The following UBR3 variants were observed in gnomAD, a reference collection of about 807,000 sequenced individuals.
UBR3 encodes the protein ubiquitin protein ligase E3 component n-recognin 3.
UBR3 carries 85 observed loss-of-function variants against 243.2 expected under a neutral mutation model. That is an observed-to-expected ratio of 0.35 (90% CI 0.29 to 0.42). UBR3 has a LOEUF of 0.42. Ranked by LOEUF, UBR3 falls within the 10% of genes least tolerant of loss-of-function variation. UBR3 has a pLI of 1.00. For missense variants in UBR3, 1,686 were observed against 2,300.8 expected (o/e 0.73, Z 5.47); for synonymous variants, 748 against 799.8 (o/e 0.94, Z 1.09).
intron 19 of UBR3, among the ~76,000 whole-genome samples, chr2:169,941,407 A>G (rs2086581910): frequency 6.6e-6 from 1 of 152,204 alleles, no homozygotes; most frequent in African/African-American, 2.4e-5. Context: ...AAATAAAACA[A>G]TTATAACAAT....
chr2:169,953,849 G>A (rs6714222), intron 23 of UBR3, among the ~76,000 whole-genome samples: 8,220 of 152,194 alleles, frequency 0.054, 401 homozygotes, highest in African/African-American at 0.13. Context: ...ACAGATTTAC[G>A]AACTAGTGAT....
At chr2:169,878,710 A>G (rs2083709674) in intron 5 of UBR3, 136 bp downstream of exon 5, 2 of 810,936 alleles carry the variant, frequency 2.5e-6, no homozygotes, top group South Asian at 4.3e-5. Flanking sequence ...TTCTCATTCT[A>G]TAGACAAGGA....
At chr2:170,074,537 T>A (rs2091765935) in intron 36 of UBR3, among the ~76,000 whole-genome samples, 1 of 152,314 alleles carries the variant, frequency 6.6e-6, no homozygotes, top group South Asian at 2.1e-4. Context: ...GCCATTACCT[T>A]GCTCAAATCA....
intron 24 of UBR3, among the ~76,000 whole-genome samples, chr2:169,967,433 A>G (rs1481899981): frequency 6.6e-6 from 1 of 152,158 alleles, no homozygotes; most frequent in East Asian, 1.9e-4. Context: ...TTTAAAAAAC[A>G]GAGTGAAAAC....
intron 1 of UBR3, among the ~76,000 whole-genome samples, chr2:169,839,011 C>A (rs372708741): frequency 3.3e-5 from 5 of 152,186 alleles, no homozygotes; most frequent in African/African-American, 1.2e-4. Flanking sequence ...AGTAATTCCA[C>A]TACTGAGTAT....
chr2:169,898,597 G>C (rs1057511252), intron 8 of UBR3, among the ~76,000 whole-genome samples: 35 of 151,176 alleles, frequency 2.3e-4, no homozygotes, highest in African/African-American at 8.3e-4. Context: ...CCTACTTTGT[G>C]AGTCTGCCTT....
intron 27 of UBR3, among the ~76,000 whole-genome samples, chr2:170,001,939 A>AAAAAAAAAAAAAAAAAAAAAAAAAG (rs1553531165): frequency 4.3e-5 from 5 of 116,218 alleles, no homozygotes; most frequent in African/African-American, 7.6e-5. Context: ...AAAAAAAAAA[A>AAAAAAAAAAAAAAAAAAAAAAAAAG]AAAGAAAGAA....
chr2:169,969,732 G>A (rs936019263), intron 24 of UBR3, among the ~76,000 whole-genome samples: 13 of 151,504 alleles, frequency 8.6e-5, no homozygotes, highest in African/African-American at 3.2e-4. Context: ...TATATTTTTA[G>A]TAGAGATGGG....
intron 24 of UBR3, among the ~76,000 whole-genome samples, chr2:169,960,388 A>ATCTG (rs1268704828): frequency 6.6e-6 from 1 of 151,574 alleles, no homozygotes; most frequent in African/African-American, 2.4e-5. Flanking sequence ...ATCTGAAAAA[A>ATCTG]ACTGAAATCT....
At chr2:169,971,368 G>T (rs1349979467) in intron 24 of UBR3, among the ~76,000 whole-genome samples, 3 of 151,016 alleles carry the variant, frequency 2.0e-5, no homozygotes, top group Non-Finnish European at 3.0e-5. Context: ...TGTTGCCATT[G>T]CTTTTGGTGT....
Position 169,875,934 on chromosome 2 carries a change from A to G in UBR3, c.829A>G (p.Lys277Glu). ...TQVLTNQQNY[K>E]DLTSGLGENA... ...GGTTTTGACAAACCAACAAAACTAC[A>G]AAGATCTGACTTCTGGTGAGTAAAA... The change falls in exon 3 of 39, where the codon AAA becomes GAA. Residue 277 changes from lysine to glutamate, a missense_variant. Physicochemically the swap from Lys to Glu is moderately conservative, Grantham distance 56. Coordinates refer to ENST00000272793, the MANE Select transcript of UBR3 (RefSeq NM_172070.4). 1 of 1,534,416 alleles carries G rather than the reference A, an allele frequency of 6.5e-7. No individual in the cohort carries two copies. The highest frequency in any genetic ancestry group is 8.8e-7 in the Non-Finnish European group (1 of 1,140,896).
chr2:169,904,817 TCAG>T (rs1416951813), intron 8 of UBR3, among the ~76,000 whole-genome samples: 1 of 152,178 alleles, frequency 6.6e-6, no homozygotes, highest in Non-Finnish European at 1.5e-5. Context: ...TACAGCTACC[TCAG>T]TATCATGTCA....
intron 10 of UBR3, among the ~76,000 whole-genome samples, chr2:169,912,668 TTATA>T (rs2085299200): frequency 6.6e-6 from 1 of 152,236 alleles, no homozygotes; most frequent in Non-Finnish European, 1.5e-5. Flanking sequence ...CTGTGAATGT[TTATA>T]TACATTTTTT....
At chr2:170,081,603 T>C in intron 38 of UBR3, 123 bp from the exon 39 acceptor site, 4 of 552,970 alleles carry the variant, frequency 7.2e-6, no homozygotes, top group Middle Eastern at 4.9e-4. Flanking sequence ...GACAGGAGAA[T>C]TGCTTGAACC....
chr2:169,945,043 C>A (rs1030628053), intron 20 of UBR3, among the ~76,000 whole-genome samples: 3 of 152,140 alleles, frequency 2.0e-5, no homozygotes, highest in Non-Finnish European at 4.4e-5. Flanking sequence ...TTGTTGAACA[C>A]CCATTGCTAG....
chr2:170,034,927 T>TG (rs2090784206), intron 31 of UBR3, among the ~76,000 whole-genome samples: 1 of 151,614 alleles, frequency 6.6e-6, no homozygotes, highest in African/African-American at 2.4e-5. Flanking sequence ...ACATACGGTC[T>TG]GGAGCATCTT....
At chr2:169,833,410 A>T (rs2081997093) in intron 1 of UBR3, among the ~76,000 whole-genome samples, 1 of 152,216 alleles carries the variant, frequency 6.6e-6, no homozygotes, top group South Asian at 2.1e-4. Flanking sequence ...CTTAAAAGAT[A>T]AGGACCACAT....
At chr2:169,847,653 G>A (rs57420337) in intron 1 of UBR3, among the ~76,000 whole-genome samples, 1 of 152,012 alleles carries the variant, frequency 6.6e-6, no homozygotes, top group Admixed American at 6.5e-5. Context: ...GTTTCTTTAT[G>A]TAAGTTTCTA....
intron 27 of UBR3, among the ~76,000 whole-genome samples, chr2:170,006,166 A>G (rs1018572725): frequency 3.3e-5 from 5 of 152,044 alleles, no homozygotes; most frequent in African/African-American, 9.7e-5. Flanking sequence ...TTTAAAACTT[A>G]GCTCACAAAT....
Sources: allele counts gnomAD v4.1 joint callset (sites outside exome capture counted in the v4.1 genomes callset), GRCh38; gene constraint gnomAD v4.1.1; transcripts MANE v1.5; gene names NCBI Gene and HGNC (gene_info 2026-07-23, HGNC 2026-07-21).